The following PLXDC2 variants were observed in gnomAD, a reference collection of about 807,000 sequenced individuals.
The protein encoded by PLXDC2 is plexin domain containing 2.
PLXDC2 carries 40 observed loss-of-function variants against 68.9 expected under a neutral mutation model. The ratio of observed to expected loss-of-function variants is 0.58; its 90% CI spans 0.45 to 0.76. The LOEUF (loss-of-function observed/expected upper bound fraction) is 0.76, where lower values mean the gene tolerates loss of function less well. PLXDC2 is among the 30% of genes least tolerant of loss of function. The pLI, the probability that PLXDC2 is intolerant of heterozygous loss-of-function variation, is 0.00. For missense variants in PLXDC2, 644 were observed against 661.9 expected, an observed-to-expected ratio of 0.97 and a Z score of 0.30; for synonymous variants, 243 against 234.2, an observed-to-expected ratio of 1.04 and a Z score of -0.34.
chr10:20,027,926 C>T (rs1835430511), intron 2 of PLXDC2, among the ~76,000 whole-genome samples: 1 of 151,914 alleles, frequency 6.6e-6, no homozygotes, highest in Non-Finnish European at 1.5e-5. Context: ...ATTTCAAAAA[C>T]AGACTTAGGA....
intron 2 of PLXDC2, among the ~76,000 whole-genome samples, chr10:20,033,630 G>T (rs999090874): frequency 6.6e-5 from 10 of 152,080 alleles, no homozygotes; most frequent in African/African-American, 2.4e-4. Context: ...GAGCTTGTGT[G>T]GGGTAACTTC....
chr10:19,999,315 A>G (rs1194954724), intron 1 of PLXDC2, among the ~76,000 whole-genome samples: 1 of 152,170 alleles, frequency 6.6e-6, no homozygotes, highest in Non-Finnish European at 1.5e-5. Flanking sequence ...CTTATTTAAA[A>G]GAAACCAAGA....
Position 20,176,928 on chromosome 10 carries a change from C to G in PLXDC2, c.884-71C>G. On this transcript the variant is annotated intron_variant, in intron 7 of 13. Transcript: ENST00000377252. ...GGCTATATGTATATAATTCTATATCCATTATTAAAATGCTGTTGTTTTGTA... is the reference window on the plus strand; with the variant it reads ...GGCTATATGTATATAATTCTATATCGATTATTAAAATGCTGTTGTTTTGTA... 3 of 1,099,998 alleles carry G rather than the reference C, an allele frequency of 2.7e-6. No individual in the cohort carries two copies. In the South Asian group the frequency reaches 4.0e-5, roughly 15 times the overall value. The allele number at this position is 1,099,998 out of a possible 1,614,324, so 68.1% of individuals were successfully genotyped here.
intron 1 of PLXDC2, among the ~76,000 whole-genome samples, chr10:19,995,276 T>G (rs1389303112): frequency 6.6e-6 from 1 of 152,004 alleles, no homozygotes; most frequent in Non-Finnish European, 1.5e-5. Flanking sequence ...CAAAGCAAAA[T>G]TGGTACAGGG....
At chr10:19,874,518 G>T (rs1837598684) in intron 1 of PLXDC2, among the ~76,000 whole-genome samples, 1 of 152,116 alleles carries the variant, frequency 6.6e-6, no homozygotes, top group South Asian at 2.1e-4. Flanking sequence ...GCAAAAGTAG[G>T]ATCCCTGCCC....
intron 7 of PLXDC2, among the ~76,000 whole-genome samples, chr10:20,165,438 C>T (rs919246843): frequency 1.3e-5 from 2 of 152,030 alleles, no homozygotes; most frequent in African/African-American, 4.8e-5. Context: ...TTCCCCCCAC[C>T]CCACAACAGT....
chr10:20,279,252 C>G (rs1836049685), intron 13 of PLXDC2, among the ~76,000 whole-genome samples: 1 of 152,136 alleles, frequency 6.6e-6, no homozygotes. Context: ...CTTCTAGGAA[C>G]AGCAGAATTT....
intron 1 of PLXDC2, among the ~76,000 whole-genome samples, chr10:19,885,745 T>G (rs1292621815): frequency 3.9e-5 from 6 of 152,182 alleles, no homozygotes; most frequent in African/African-American, 1.2e-4. Flanking sequence ...CATGCTGTTT[T>G]GGTTACTGTA....
intron 7 of PLXDC2, among the ~76,000 whole-genome samples, chr10:20,168,146 G>T (rs2131818342): frequency 6.6e-6 from 1 of 152,194 alleles, no homozygotes; most frequent in East Asian, 1.9e-4. Flanking sequence ...AGAGGGAAAA[G>T]TATGGTAAAA....
In PLXDC2 at chr10:19,820,640, CA is replaced by C. The variant is rs5783700; in HGVS notation, c.112+3464del. Among the ~76,000 whole-genome samples, 498 of 127,208 alleles carry C rather than the reference CA, an allele frequency of 3.9e-3. 9 individuals are homozygous for C. In the East Asian group the frequency reaches 0.062, roughly 16 times the overall value. 83.5% of individuals were successfully genotyped at this position (127,208 alleles called of 152,430 possible). ...TGGGCGACAGAGCGAGACTCCGTCTCAAAAAAAAAAAAAAAGAAAAGAAAAT... is the reference window on the plus strand; with the variant it reads ...TGGGCGACAGAGCGAGACTCCGTCTCAAAAAAAAAAAAAAGAAAAGAAAAT... On this transcript the variant is annotated intron_variant, in intron 1 of 13. Transcript: ENST00000377252.
chr10:19,951,607 TAAAAC>T (rs1185640640), intron 1 of PLXDC2, among the ~76,000 whole-genome samples: 3 of 152,162 alleles, frequency 2.0e-5, no homozygotes, highest in African/African-American at 4.8e-5. Flanking sequence ...TTCTTGAACT[TAAAAC>T]AGAACTATCA....
chr10:19,922,708 A>T (rs1306599883), intron 1 of PLXDC2, among the ~76,000 whole-genome samples: 1 of 152,204 alleles, frequency 6.6e-6, no homozygotes, highest in Non-Finnish European at 1.5e-5. Context: ...CAGCTTAGTG[A>T]TTTCAGTGGC....
intron 1 of PLXDC2, among the ~76,000 whole-genome samples, chr10:19,977,309 T>C (rs146421092): frequency 0.02 from 3,061 of 152,320 alleles, 49 homozygotes; most frequent in Middle Eastern, 0.037. Context: ...GATTGTTAGA[T>C]GCAGAATCTC....
At chr10:20,029,430 C>T (rs910216211) in intron 2 of PLXDC2, among the ~76,000 whole-genome samples, 33 of 152,058 alleles carry the variant, frequency 2.2e-4, no homozygotes, top group African/African-American at 6.3e-4. Context: ...GGCGATTTGA[C>T]GGCATCTTCT....
intron 2 of PLXDC2, among the ~76,000 whole-genome samples, chr10:20,030,976 G>C (rs1835492762): frequency 6.6e-6 from 1 of 152,166 alleles, no homozygotes; most frequent in Non-Finnish European, 1.5e-5. Context: ...AATGGAGATA[G>C]AGACCCTAAA....
intron 2 of PLXDC2, among the ~76,000 whole-genome samples, chr10:20,016,983 C>T (rs1337566107): frequency 2.0e-5 from 3 of 152,192 alleles, no homozygotes; most frequent in South Asian, 4.1e-4. Flanking sequence ...TTTTTGCTTC[C>T]GAGGTGGCTG....
Position 19,838,970 on chromosome 10 carries a change from A to G in PLXDC2, c.112+21779A>G, listed in dbSNP as rs145013900. ...TGAGGCCGAGGCCAGTGGATCACCT[A>G]AGGCCAGGAGTTCAAGACCAGCCTG... On this transcript the variant is annotated intron_variant, in intron 1 of 13. Transcript: ENST00000377252. Among the ~76,000 whole-genome samples, 431 of 152,148 alleles carry G rather than the reference A, an allele frequency of 2.8e-3. 9 individuals are homozygous for G. In the East Asian group the frequency reaches 0.053, roughly 19 times the overall value.
chr10:19,990,042 C>T (rs1834720500), intron 1 of PLXDC2, among the ~76,000 whole-genome samples: 1 of 152,098 alleles, frequency 6.6e-6, no homozygotes, highest in Middle Eastern at 3.2e-3. Context: ...GCCACCGCAC[C>T]TGGCCAGTGT....
At chr10:19,856,575 G>A (rs551824426) in intron 1 of PLXDC2, among the ~76,000 whole-genome samples, 3 of 152,128 alleles carry the variant, frequency 2.0e-5, no homozygotes, top group Non-Finnish European at 4.4e-5. Flanking sequence ...CACTGTAAGC[G>A]CAGCAAGGAT....
Sources: gnomAD v4.1 joint callset for allele counts (sites outside exome capture counted in the v4.1 genomes callset) on GRCh38, gnomAD v4.1.1 for gene constraint, MANE v1.5 for transcripts, NCBI Gene and HGNC (gene_info 2026-07-23, HGNC 2026-07-21) for gene names.